NTRK3: variants seen among roughly 807,000 people sequenced by gnomAD.
The protein encoded by NTRK3 is neurotrophic receptor tyrosine kinase 3.
A neutral mutation model predicts 91.7 loss-of-function variants in NTRK3; 24 were observed. The ratio of observed to expected loss-of-function variants is 0.26; its 90% CI spans 0.19 to 0.37. The LOEUF is 0.37. Ranked by LOEUF, NTRK3 falls within the 10% of genes least tolerant of loss-of-function variation. NTRK3 has a pLI of 1.00. For missense variants in NTRK3, 880 were observed against 1,068.9 expected (o/e 0.82, Z 2.46); for synonymous variants, 483 against 404.0 (o/e 1.20, Z -2.34).
chr15:87,991,849 C>T (rs1202790758), intron 14 of NTRK3, among the ~76,000 whole-genome samples: 1 of 152,010 alleles, frequency 6.6e-6, no homozygotes, highest in Non-Finnish European at 1.5e-5. Flanking sequence ...TACTTAACTT[C>T]CCTAAGCCTC....
chr15:88,059,600 A>C (rs1017392801), intron 13 of NTRK3, among the ~76,000 whole-genome samples: 3 of 152,180 alleles, frequency 2.0e-5, no homozygotes, highest in Non-Finnish European at 4.4e-5. Flanking sequence ...ACACAGGACA[A>C]GGAACATGCT....
chr15:87,973,286 G>A (rs2141288070), intron 14 of NTRK3, among the ~76,000 whole-genome samples: 1 of 152,220 alleles, frequency 6.6e-6, no homozygotes, highest in Non-Finnish European at 1.5e-5. Context: ...GGGAAACTGG[G>A]GTCACTCTAT....
chr15:88,158,253 G>A (rs892003212), intron 5 of NTRK3, among the ~76,000 whole-genome samples: 3 of 152,190 alleles, frequency 2.0e-5, no homozygotes, highest in Non-Finnish European at 2.9e-5. Context: ...AGTCACCACC[G>A]AAGCCACAAC....
chr15:87,937,882 T>C (rs1455973228), intron 15 of NTRK3, among the ~76,000 whole-genome samples: 1 of 151,816 alleles, frequency 6.6e-6, no homozygotes, highest in Non-Finnish European at 1.5e-5. Context: ...CAGGAAAAGC[T>C]TTAGACCAGA....
chr15:88,184,239 G>C (rs201222990), exon 4 of NTRK3: 4 of 1,614,104 alleles, frequency 2.5e-6, no homozygotes, highest in Non-Finnish European at 3.4e-6. Context: ...TTTGAAGTCC[G>C]GTGTAGAGCT....
At chr15:87,872,497 G>A (rs527344086) in exon 19 of NTRK3, 1 of 228,340 alleles carries the variant, frequency 4.4e-6, no homozygotes, top group East Asian at 6.3e-5. Context: ...TGGCCTGCAT[G>A]AGAGATGGGC....
At chr15:88,184,337 C>G in intron 3 of NTRK3, 38 bp from the exon 4 acceptor site, 1 of 1,600,322 alleles carries the variant, frequency 6.2e-7, no homozygotes. Flanking sequence ...CAGCCAGAAG[C>G]AACAGAAATG....
At chr15:87,860,935 AATG>A (rs2064508842) in exon 19 of NTRK3, 1 of 223,018 alleles carries the variant, frequency 4.5e-6, no homozygotes, top group Admixed American at 5.7e-5. Context: ...TCCACCCATA[AATG>A]ATGACTTGGC....
intron 10 of NTRK3, among the ~76,000 whole-genome samples, chr15:88,130,050 C>A (rs182003060): frequency 1.8e-4 from 28 of 152,282 alleles, no homozygotes; most frequent in African/African-American, 6.7e-4. Context: ...AGCAGACAGG[C>A]CTCAGGAGAA....
At chr15:87,981,187 T>A (rs755321147) in intron 14 of NTRK3, 2 of 1,553,336 alleles carry the variant, frequency 1.3e-6, no homozygotes. Flanking sequence ...AGGGGAGGGA[T>A]CTTTACTGCA....
chr15:87,948,454 G>A (rs747893784), intron 14 of NTRK3, among the ~76,000 whole-genome samples: 4 of 152,176 alleles, frequency 2.6e-5, no homozygotes, highest in African/African-American at 9.7e-5. Flanking sequence ...TTGGGAGGCC[G>A]AGGTGGGTGG....
At chr15:88,020,352 A>G (rs2077515722) in intron 14 of NTRK3, among the ~76,000 whole-genome samples, 3 of 152,124 alleles carry the variant, frequency 2.0e-5, no homozygotes. Flanking sequence ...CCTGACAACC[A>G]ACATATTACA....
chr15:87,942,431 A>G (rs2069971095), intron 14 of NTRK3, among the ~76,000 whole-genome samples: 1 of 152,162 alleles, frequency 6.6e-6, no homozygotes, highest in African/African-American at 2.4e-5. Flanking sequence ...AAGGCTAAAG[A>G]GTCTCCCACT....
chr15:88,120,720 T>C (rs890993401), intron 13 of NTRK3, among the ~76,000 whole-genome samples: 7 of 152,240 alleles, frequency 4.6e-5, no homozygotes, highest in Non-Finnish European at 7.3e-5. Flanking sequence ...TGGCACAGCA[T>C]TCAAAGTTAA....
At chr15:87,914,442 G>GC (rs1301240496) in intron 17 of NTRK3, among the ~76,000 whole-genome samples, 2 of 152,218 alleles carry the variant, frequency 1.3e-5, no homozygotes, top group African/African-American at 2.4e-5. Context: ...GACCACTGGT[G>GC]CCCAGTGAGT....
chr15:88,166,463 C>T (rs981102751), intron 5 of NTRK3, among the ~76,000 whole-genome samples: 1 of 152,130 alleles, frequency 6.6e-6, no homozygotes, highest in African/African-American at 2.4e-5. Context: ...GGAAGGTGAG[C>T]CGGGGACTAG....
exon 19 of NTRK3, chr15:87,860,903 C>T (rs1374709289): frequency 4.5e-6 from 1 of 221,896 alleles, no homozygotes; most frequent in East Asian, 6.5e-5. Context: ...TTGAAAGCAC[C>T]TCAACTGCTG....
chr15:88,076,838 A>G (rs1355901369), intron 13 of NTRK3, among the ~76,000 whole-genome samples: 1 of 152,146 alleles, frequency 6.6e-6, no homozygotes, highest in African/African-American at 2.4e-5. Context: ...CATGCCTGCA[A>G]TCTCAACACT....
At chr15:88,057,245 C>A (rs1209376923) in intron 13 of NTRK3, among the ~76,000 whole-genome samples, 1 of 150,614 alleles carries the variant, frequency 6.6e-6, no homozygotes, top group Non-Finnish European at 1.5e-5. Flanking sequence ...ACCTGTAATC[C>A]TGGTGCTTTG....
Sources: allele counts gnomAD v4.1 joint callset (sites outside exome capture counted in the v4.1 genomes callset), GRCh38; gene constraint gnomAD v4.1.1; transcripts MANE v1.5; gene names NCBI Gene and HGNC (gene_info 2026-07-23, HGNC 2026-07-21).